The following FLT3 variants were observed in gnomAD, a reference collection of about 807,000 sequenced individuals.
The protein encoded by FLT3 is receptor-type tyrosine-protein kinase FLT3.
In FLT3, 46 loss-of-function variants were observed where a neutral mutation model predicts 126.6. The ratio of observed to expected loss-of-function variants is 0.36; its 90% confidence interval spans 0.29 to 0.46. The LOEUF (loss-of-function observed/expected upper bound fraction) is 0.46. Among genes scored for constraint, FLT3 ranks in the 20% least tolerant of loss-of-function variants. The pLI is 1.00. For missense variants in FLT3, 1,069 were observed against 1,190.3 expected (o/e 0.90, Z 1.50); for synonymous variants, 404 against 434.4 (o/e 0.93, Z 0.87).
intron 1 of FLT3, among the ~76,000 whole-genome samples, chr13:28,098,853 G>A (rs958107025): frequency 1.3e-5 from 2 of 151,978 alleles, no homozygotes; most frequent in Non-Finnish European, 2.9e-5. Flanking sequence ...AAAGAAGGTG[G>A]ACATAAAAGA....
intron 3 of FLT3, among the ~76,000 whole-genome samples, chr13:28,060,682 C>T (rs925171969): frequency 6.6e-6 from 1 of 151,928 alleles, no homozygotes; most frequent in African/African-American, 2.4e-5. Flanking sequence ...ATCGGCTCAC[C>T]GAACATCCCC....
Position 28,034,099 on chromosome 13 carries a change from C to G in FLT3, c.1820G>C (p.Arg607Thr), listed in dbSNP as rs2137674628. 1 of 1,613,624 alleles carries G rather than the reference C, an allele frequency of 6.2e-7. No homozygotes were observed. The highest frequency in any genetic ancestry group is 8.5e-7 in the Non-Finnish European group (1 of 1,179,908). Residue 607 changes from arginine (R) to threonine (T), a missense_variant, in exon 14 of 24, where the codon AGA becomes ACA. Arg to Thr is a moderately conservative substitution (Grantham distance 71). Coordinates refer to ENST00000241453, the MANE Select transcript of FLT3 (RefSeq NM_004119.3). ...YEYDLKWEFPRENLEFGKVLG... is the reference protein window; with the variant it reads ...YEYDLKWEFPTENLEFGKVLG... ...ATTCTTACCAAACTCTAAATTTTCT[C>G]TTGGAAACTCCCATTTGAGATCATA...
intron 23 of FLT3, among the ~76,000 whole-genome samples, chr13:28,004,461 A>G (rs1269328061): frequency 1.3e-5 from 2 of 151,922 alleles, no homozygotes; most frequent in Non-Finnish European, 2.9e-5. Context: ...AGGCTCCACC[A>G]CACCCTGCTA....
chr13:28,041,787 T>G (rs1451504076), intron 9 of FLT3, among the ~76,000 whole-genome samples: 1 of 151,994 alleles, frequency 6.6e-6, no homozygotes, highest in Non-Finnish European at 1.5e-5. Context: ...GAGACGGAGG[T>G]CAGGACATTT....
At chr13:28,088,507 T>G (rs1190890097) in intron 1 of FLT3, among the ~76,000 whole-genome samples, 1 of 151,918 alleles carries the variant, frequency 6.6e-6, no homozygotes, top group South Asian at 2.1e-4. Flanking sequence ...AGGCTGGTCT[T>G]GAACTGCTGA....
chr13:28,054,502 G>A (rs147755988), intron 4 of FLT3, among the ~76,000 whole-genome samples: 1,578 of 151,742 alleles, frequency 0.01, 19 homozygotes, highest in Middle Eastern at 0.052. Flanking sequence ...CGGGAGGATC[G>A]CTTGAGCCCA....
chr13:28,067,109 G>A (rs9554234), intron 2 of FLT3, among the ~76,000 whole-genome samples: 27,604 of 152,132 alleles, frequency 0.18, 2,612 homozygotes, highest in Middle Eastern at 0.24. Flanking sequence ...CGCAACCTCC[G>A]CCTCTGGGGT....
At chr13:28,013,446 A>C (rs1871565947) in intron 23 of FLT3, among the ~76,000 whole-genome samples, 1 of 152,216 alleles carries the variant, frequency 6.6e-6, no homozygotes, top group Non-Finnish European at 1.5e-5. Context: ...AGACTTCCCA[A>C]AAGATTAAGT....
rs199741050 is a variant in FLT3 at position 28,027,045 on chromosome 13, G to A, written c.2207+43C>T. ...TGTTTGAACAGCACACTTTGCCTAC[G>A]TTCTATGATGTGTAATTACGAAACC... On this transcript the variant is annotated intron_variant, in intron 17 of 23. Transcript: ENST00000241453. 5.1e-5 allele frequency: 80 copies of A among 1,575,812 alleles called. 1 individual carries two copies. Among genetic ancestry groups the A allele is most frequent in the African/African-American group, 1.4e-4 (10 of 73,988 alleles).
chr13:28,067,922 C>A, intron 2 of FLT3: 1 of 388,062 alleles, frequency 2.6e-6, no homozygotes. Context: ...GGCCACCTGC[C>A]TGAAATATGA....
Position 28,026,853 on chromosome 13 carries a change from T to C in FLT3, c.2207+235A>G, listed in dbSNP as rs367776682. ...AACCAAATAGGCGTCTATGGTGTGA[T>C]GCAGGCATGGGTGGAGAGAGACTAG... On this transcript the variant is annotated intron_variant, in intron 17 of 23. Transcript: ENST00000241453. Among the ~76,000 whole-genome samples the C allele has an allele frequency of 3.3e-5, 5 of 152,212 alleles. No individual in the cohort carries two copies. In the East Asian group the frequency reaches 9.6e-4, roughly 29 times the overall value.
At chr13:28,085,148 G>A (rs1478120120) in intron 1 of FLT3, among the ~76,000 whole-genome samples, 2 of 151,272 alleles carry the variant, frequency 1.3e-5, no homozygotes, top group Non-Finnish European at 2.9e-5. Context: ...TTCAAGACCA[G>A]CCTGGCCAAC....
intron 23 of FLT3, among the ~76,000 whole-genome samples, chr13:28,012,197 G>T (rs531253915): frequency 6.6e-6 from 1 of 152,188 alleles, no homozygotes; most frequent in Non-Finnish European, 1.5e-5. Context: ...GGAACTGGGA[G>T]AAAAAGTTTG....
intron 6 of FLT3, 80 bp from the exon 7 acceptor site, chr13:28,049,854 C>A (rs2137729774): frequency 1.4e-6 from 2 of 1,455,144 alleles, no homozygotes; most frequent in Non-Finnish European, 1.9e-6. Context: ...ACATTCTGAA[C>A]AAAGACTTTA....
intron 1 of FLT3, among the ~76,000 whole-genome samples, chr13:28,074,379 A>T (rs576728973): frequency 5.3e-5 from 8 of 152,338 alleles, no homozygotes; most frequent in South Asian, 4.1e-4. Context: ...CTATTTATAT[A>T]AAAGTCTTAA....
intron 6 of FLT3, 86 bp from the exon 7 acceptor site, chr13:28,049,860 C>A: frequency 7.1e-7 from 1 of 1,404,778 alleles, no homozygotes; most frequent in Non-Finnish European, 9.7e-7. Flanking sequence ...TGAACAAAGA[C>A]TTTAGCATCA....
chr13:28,043,751 C>T (rs577083239), intron 9 of FLT3, among the ~76,000 whole-genome samples: 9 of 152,156 alleles, frequency 5.9e-5, no homozygotes, highest in African/African-American at 1.4e-4. Flanking sequence ...GAGGCTGAGG[C>T]GGGAGGATCA....
intron 2 of FLT3, chr13:28,067,575 G>C (rs1877146771): frequency 6.5e-6 from 1 of 152,884 alleles, no homozygotes; most frequent in African/African-American, 2.4e-5. Context: ...TGGAATTTAA[G>C]AGACTGTGAT....
intron 1 of FLT3, among the ~76,000 whole-genome samples, chr13:28,091,913 T>C (rs148272712): frequency 0.089 from 13,473 of 151,730 alleles, 834 homozygotes; most frequent in Middle Eastern, 0.2. Flanking sequence ...TTACTAAAAA[T>C]ACAAAAATTA....
Sources: gnomAD v4.1 joint callset for allele counts (sites outside exome capture counted in the v4.1 genomes callset) on GRCh38, gnomAD v4.1.1 for gene constraint, MANE v1.5 for transcripts, NCBI Gene and HGNC (gene_info 2026-07-23, HGNC 2026-07-21) for gene names.